SMARCA4: variants seen among roughly 807,000 people sequenced by gnomAD.
SMARCA4 encodes the protein SWI/SNF related BAF chromatin remodeling complex subunit ATPase 4, also known as SWI/SNF-related matrix-associated actin-dependent regulator of chromatin subfamily A member 4.
A neutral mutation model predicts 193.9 loss-of-function variants in SMARCA4; 31 were observed. The ratio of observed to expected loss-of-function variants is 0.16; its 90% CI spans 0.12 to 0.22. SMARCA4 has a LOEUF of 0.22. Among genes scored for constraint, SMARCA4 ranks in the 10% least tolerant of loss-of-function variants. The pLI is 1.00. For synonymous variants in SMARCA4, 942 were observed against 933.1 expected, an observed-to-expected ratio of 1.01 and a Z score of -0.17; for missense variants, 1,148 against 2,296.0, an observed-to-expected ratio of 0.50 and a Z score of 10.22.
At chr19:11,056,765 C>T (rs1392084343) in intron 30 of SMARCA4, among the ~76,000 whole-genome samples, 2 of 152,202 alleles carry the variant, frequency 1.3e-5, no homozygotes, top group Non-Finnish European at 2.9e-5. Context: ...ACACAAACAC[C>T]AAACAAGCAG....
At chr19:10,975,730 C>G (rs755207362) in intron 1 of SMARCA4, among the ~76,000 whole-genome samples, 12 of 152,172 alleles carry the variant, frequency 7.9e-5, no homozygotes, top group Non-Finnish European at 1.6e-4. Flanking sequence ...ACTTCTAGAC[C>G]CTTTGGCCCA....
intron 21 of SMARCA4, 26 bp from the exon 22 acceptor site, chr19:11,025,396 T>A (rs1185556886): frequency 6.4e-7 from 1 of 1,571,842 alleles, no homozygotes; most frequent in East Asian, 2.2e-5. Flanking sequence ...AAGACCCCAT[T>A]TGGGTCCCTC....
chr19:10,966,942 C>T (rs2084271647), intron 1 of SMARCA4, among the ~76,000 whole-genome samples: 1 of 151,674 alleles, frequency 6.6e-6, no homozygotes, highest in Non-Finnish European at 1.5e-5. Flanking sequence ...TGCTGGAATA[C>T]TGGGGGAAGG....
chr19:11,016,007 T>C (rs543793974), intron 16 of SMARCA4: 2 of 151,408 alleles, frequency 1.3e-5, no homozygotes, highest in South Asian at 4.2e-4. Context: ...ATGAAACGCC[T>C]TCTCAAAAAA....
In SMARCA4 at chr19:11,034,587, A is replaced by C; in HGVS notation, c.3952-327A>C. ...TGGGAAACAGGAAATAAGCCACCCAAGCAGGGGCCCCTTGGCCCGCAGGCC... is the reference window on the plus strand; with the variant it reads ...TGGGAAACAGGAAATAAGCCACCCACGCAGGGGCCCCTTGGCCCGCAGGCC... On this transcript the variant is annotated intron_variant, in intron 28 of 34. Transcript: ENST00000344626. The surrounding 1 kb of genome is among the most constrained non-coding windows in gnomAD (Gnocchi z 7.0). Among the ~76,000 whole-genome samples, 1 of 152,158 alleles carries C rather than the reference A, an allele frequency of 6.6e-6. No individual in the cohort carries two copies. Among genetic ancestry groups the C allele is most frequent in the East Asian group, 1.9e-4 (1 of 5,162 alleles).
rs1190122114 is a variant in SMARCA4, at chr19:10,971,758, A to G, written c.-32+10584A>G. ...GCTGGAATTACAGGCGTGAGCCACC[A>G]TGCCCACCCTGAATACTTTTTTTTT... On this transcript the variant is annotated intron_variant, in intron 1 of 34. Transcript: ENST00000344626. 2.7e-5 allele frequency among the ~76,000 whole-genome samples: 4 copies of G among 147,720 alleles called. No homozygotes were observed. The Admixed American group carries it at 2.7e-4, about 10-fold the overall frequency.
chr19:10,970,347 T>G (rs1246378297), intron 1 of SMARCA4, among the ~76,000 whole-genome samples: 1 of 152,180 alleles, frequency 6.6e-6, no homozygotes, highest in East Asian at 1.9e-4. Context: ...GAATTCCCAA[T>G]TTATAGGTGG....
In SMARCA4 at chr19:11,058,338, A is replaced by T. The variant is rs747829176; in HGVS notation, c.4508A>T (p.Lys1503Met). The stretch of plus-strand genomic sequence containing the variant: ...CCCGAGTACTACGAGCTCATCCGCA[A>T]GCCCGTGGACTTCAAGAAGATAAAG... ...ELPEYYELIR[K>M]PVDFKKIKER... is the part of the protein sequence containing the mutation. The change falls in exon 31 of 35, where the codon AAG becomes ATG. Residue 1503 changes from lysine to methionine, a missense_variant. Transcript: ENST00000344626. This position sits in a 1 kb window ranked among gnomAD's most constrained non-coding sequence, Gnocchi z 5.8. The T allele has an allele frequency of 3.7e-5, 60 of 1,613,016 alleles. No individual in the cohort carries two copies. Among genetic ancestry groups the T allele is most frequent in the Non-Finnish European group, 7.6e-6 (9 of 1,179,362 alleles).
intron 14 of SMARCA4, among the ~76,000 whole-genome samples, chr19:11,008,903 G>A (rs1287921837): frequency 6.6e-6 from 1 of 151,062 alleles, no homozygotes; most frequent in Non-Finnish European, 1.5e-5. Context: ...GAAATGGGGA[G>A]GAGGAGGCTG....
chr19:10,964,404 G>A (rs1007378815), intron 1 of SMARCA4, among the ~76,000 whole-genome samples: 2 of 151,724 alleles, frequency 1.3e-5, no homozygotes, highest in Middle Eastern at 3.4e-3. Flanking sequence ...TCTGCCTCCC[G>A]GGTTCAAGCG....
At chr19:11,007,720 T>A (rs566809066) in intron 13 of SMARCA4, among the ~76,000 whole-genome samples, 182 bp from the exon 14 acceptor site, 7 of 151,992 alleles carry the variant, frequency 4.6e-5, no homozygotes, top group Non-Finnish European at 8.8e-5. Flanking sequence ...TTAAAAAAAA[T>A]AATAATAAAT....
rs749043941 is a variant in SMARCA4 at position 11,030,707 on chromosome 19, C to G, written c.3383-23C>G. 64 of 1,607,126 alleles carry G rather than the reference C, an allele frequency of 4.0e-5. No individual in the cohort carries two copies. The highest frequency in any genetic ancestry group is 5.4e-5 in the Non-Finnish European group (63 of 1,177,240). ...TACCCCTGAGGTCACCCCGCTGACCCTGTTCTCCTCTGTGCCCGTCAGGAA... is the reference window on the plus strand; with the variant it reads ...TACCCCTGAGGTCACCCCGCTGACCGTGTTCTCCTCTGTGCCCGTCAGGAA... On this transcript the variant is annotated intron_variant, in intron 24 of 34. Coordinates refer to ENST00000344626, the MANE Select transcript of SMARCA4 (RefSeq NM_003072.5). The surrounding 1 kb of genome is among the most constrained non-coding windows in gnomAD (Gnocchi z 5.5).
In SMARCA4 at chr19:11,041,336, C is replaced by G. The variant is rs577059244; in HGVS notation, c.4200C>G (p.Ile1400Met). Residue 1400 changes from isoleucine (I) to methionine (M), a missense_variant, in exon 30 of 35, where the codon ATC (isoleucine) becomes ATG (methionine). Physicochemically the swap from Ile to Met is conservative, Grantham distance 10. Coordinates refer to ENST00000344626, the MANE Select transcript of SMARCA4 (RefSeq NM_003072.5). This position sits in a 1 kb window ranked among gnomAD's most constrained non-coding sequence, Gnocchi z 5.6. ...TCGAGGAGGGCACGCTGGAGGAGAT[C>G]GAAGAGGAGGTCCGGCAGAAGAAAT... is the stretch of plus-strand genomic sequence containing the variant. The part of the protein sequence containing the change: ...KAIEEGTLEE[I>M]EEEVRQKKSS... 6 of 1,611,868 alleles carry G rather than the reference C, an allele frequency of 3.7e-6. No individual in the cohort carries two copies. Among genetic ancestry groups the G allele is most frequent in the African/African-American group, 1.3e-5 (1 of 75,012 alleles).
At chr19:10,981,584 A>G (rs1227087985) in intron 1 of SMARCA4, among the ~76,000 whole-genome samples, 1 of 152,162 alleles carries the variant, frequency 6.6e-6, no homozygotes, top group Non-Finnish European at 1.5e-5. Flanking sequence ...AGTGCCAGCC[A>G]CTGGTTCCTC....
In SMARCA4 at chr19:11,059,770, C is replaced by T. The variant is rs975606798; in HGVS notation, c.4653C>T (p.Ile1551=). 5 of 1,584,212 alleles carry T rather than the reference C, an allele frequency of 3.2e-6. No individual in the cohort carries two copies. The highest frequency in any genetic ancestry group is 3.4e-6 in the Non-Finnish European group (4 of 1,165,576). Residue 1551 remains isoleucine, a synonymous_variant, in exon 33 of 35, where the codon ATC becomes ATT. Coordinates refer to ENST00000344626, the MANE Select transcript of SMARCA4 (RefSeq NM_003072.5). ...CTGCCCAGATCTATGAAGACTCCAT[C>T]GTCTTGCAGTCGGTCTTCACCAGCG... The part of the protein sequence containing the change: ...LEGSLIYEDS[I]VLQSVFTSVR...
intron 22 of SMARCA4, 49 bp from the exon 23 acceptor site, chr19:11,026,251 C>A (rs771993199): frequency 2.0e-6 from 3 of 1,509,340 alleles, no homozygotes; most frequent in Non-Finnish European, 1.8e-6. Context: ...CAGCGGGGCC[C>A]GGTGGCCTGC....
In SMARCA4 at chr19:11,027,438, C is replaced by T. The variant is rs935109766; in HGVS notation, c.3216-346C>T. On this transcript the variant is annotated intron_variant, in intron 23 of 34. Coordinates refer to ENST00000344626, the MANE Select transcript of SMARCA4 (RefSeq NM_003072.5). ...TTGCTCCTGGGGCTTCTTTATCGGG[C>T]AAGGGGACAAGGTCTGGCTTCCCGG... Among the ~76,000 whole-genome samples, 2 of 152,170 alleles carry T rather than the reference C, an allele frequency of 1.3e-5. No individual in the cohort carries two copies. The highest frequency in any genetic ancestry group is 2.9e-5 in the Non-Finnish European group (2 of 68,036).
rs750085580 is a variant in SMARCA4, at chr19:11,033,564, C to T, written c.3774+47C>T. ...ACCCCTCCCCAGCGTGAATGGTGGACGCGTGAGCGGCTTTCATTTTTGTTT... is the reference window on the plus strand; with the variant it reads ...ACCCCTCCCCAGCGTGAATGGTGGATGCGTGAGCGGCTTTCATTTTTGTTT... On this transcript the variant is annotated intron_variant, in intron 26 of 34. Transcript: ENST00000344626. This position sits in a 1 kb window ranked among gnomAD's most constrained non-coding sequence, Gnocchi z 9.8. The T allele has an allele frequency of 2.8e-5, 41 of 1,439,348 alleles. No individual in the cohort carries two copies. Among genetic ancestry groups the T allele is most frequent in the Middle Eastern group, 1.7e-4 (1 of 5,816 alleles). The allele number at this position is 1,439,348 out of a possible 1,614,324, so 89.2% of individuals were successfully genotyped here.
rs1199352022 is a variant in SMARCA4 at position 10,987,458 on chromosome 19, G to T, written c.860-208G>T. Among the ~76,000 whole-genome samples, 1 of 152,202 alleles carries T rather than the reference G, an allele frequency of 6.6e-6. No individual in the cohort carries two copies. Among genetic ancestry groups the T allele is most frequent in the Non-Finnish European group, 1.5e-5 (1 of 68,028 alleles). ...CCTTGGGAGCCTGGGGCTGGCCCCA[G>T]TGGAGGGTGTGAAGGACGAGGGTGA... On this transcript the variant is annotated intron_variant, in intron 5 of 34. Transcript: ENST00000344626. This position sits in a 1 kb window ranked among gnomAD's most constrained non-coding sequence, Gnocchi z 5.3.
Sources: gnomAD v4.1 joint callset for allele counts (sites outside exome capture counted in the v4.1 genomes callset) on GRCh38, gnomAD v4.1.1 for gene constraint, Gnocchi (gnomAD v3.1) non-coding constraint, MANE v1.5 for transcripts, NCBI Gene and HGNC (gene_info 2026-07-23, HGNC 2026-07-21) for gene names.